CCDC102B: variants seen among roughly 807,000 people sequenced by gnomAD.
The protein encoded by CCDC102B is coiled-coil domain containing 102B.
CCDC102B carries 75 observed loss-of-function variants against 57.4 expected under a neutral mutation model. The observed-to-expected ratio is 1.31, with a 90% CI of 1.08 to 1.58. CCDC102B has a LOEUF of 1.58. Among genes scored for constraint, CCDC102B ranks in the 40% most tolerant of loss-of-function variants. CCDC102B has a pLI of 0.00. For synonymous variants in CCDC102B, 206 were observed against 201.9 expected, an observed-to-expected ratio of 1.02 and a Z score of -0.17; for missense variants, 636 against 582.6, an observed-to-expected ratio of 1.09 and a Z score of -0.94.
At chr18:68,849,606 A>G (rs957662742) in intron 4 of CCDC102B, among the ~76,000 whole-genome samples, 2 of 151,994 alleles carry the variant, frequency 1.3e-5, no homozygotes. Flanking sequence ...ATCGGATCGT[A>G]TTAGCCCATT....
intron 2 of CCDC102B, among the ~76,000 whole-genome samples, chr18:68,764,113 G>A (rs572298044): frequency 6.6e-6 from 1 of 152,088 alleles, no homozygotes; most frequent in African/African-American, 2.4e-5. Flanking sequence ...AGGATCTTAA[G>A]TACTCTTTGT....
Position 68,886,376 on chromosome 18 carries a change from GA to G in CCDC102B, c.1054-10834del, listed in dbSNP as rs923258126. Among the ~76,000 whole-genome samples, 19 of 150,806 alleles carry G rather than the reference GA, an allele frequency of 1.3e-4. No homozygotes were observed. In the East Asian group the frequency reaches 2.3e-3, roughly 18 times the overall value. On this transcript the variant is annotated intron_variant, in intron 5 of 7. Coordinates refer to ENST00000360242, the MANE Select transcript of CCDC102B (RefSeq NM_024781.3). The stretch of plus-strand genomic sequence containing the variant: ...TACAACCATTAAATTTTCAGTAAAT[GA>G]AAAAAAAATTTTCAGTAAATGCCAC...
At chr18:68,854,692 T>C (rs1265387379) in intron 4 of CCDC102B, among the ~76,000 whole-genome samples, 1 of 152,184 alleles carries the variant, frequency 6.6e-6, no homozygotes, top group Non-Finnish European at 1.5e-5. Flanking sequence ...TTTTTATGTA[T>C]TTTTTAAGTC....
intron 4 of CCDC102B, among the ~76,000 whole-genome samples, chr18:68,853,825 C>T (rs2038256624): frequency 6.6e-6 from 1 of 151,932 alleles, no homozygotes; most frequent in Non-Finnish European, 1.5e-5. Flanking sequence ...GCTATAAGCA[C>T]ACACACACTT....
At chr18:68,765,383 AAAG>A (rs1265094057) in intron 2 of CCDC102B, among the ~76,000 whole-genome samples, 1 of 143,482 alleles carries the variant, frequency 7.0e-6, no homozygotes, top group Admixed American at 6.8e-5. Context: ...GAAAGAAAAG[AAAG>A]AAAGAAAAGA....
chr18:68,918,421 G>A (rs908686416), intron 6 of CCDC102B, among the ~76,000 whole-genome samples: 2 of 152,132 alleles, frequency 1.3e-5, no homozygotes, highest in African/African-American at 2.4e-5. Flanking sequence ...CTCCAGGTGA[G>A]TGATGCATGT....
At chr18:68,897,813 G>T (rs2040297783) in intron 6 of CCDC102B, 1 of 352,576 alleles carries the variant, frequency 2.8e-6, no homozygotes. Context: ...GCATTTGCTG[G>T]TAGCTATGGT....
At chr18:69,014,958 TGAGA>T (rs748203787) in intron 7 of CCDC102B, among the ~76,000 whole-genome samples, 186 of 114,626 alleles carry the variant, frequency 1.6e-3, no homozygotes, top group South Asian at 5.2e-3. Context: ...TGTATGTGAA[TGAGA>T]GAGAGAGAGA....
chr18:68,846,721 G>T (rs1245303205), intron 4 of CCDC102B, among the ~76,000 whole-genome samples: 1 of 151,500 alleles, frequency 6.6e-6, no homozygotes, highest in African/African-American at 2.4e-5. Flanking sequence ...TATCCATATT[G>T]ATAGTTAAAT....
At chr18:68,946,985 C>A (rs1025139130) in intron 6 of CCDC102B, among the ~76,000 whole-genome samples, 1 of 151,924 alleles carries the variant, frequency 6.6e-6, no homozygotes, top group Admixed American at 6.6e-5. Context: ...ACACAGTATT[C>A]TGTGGGAAAT....
At chr18:68,788,928 T>C (rs1268209579) in intron 2 of CCDC102B, among the ~76,000 whole-genome samples, 1 of 152,244 alleles carries the variant, frequency 6.6e-6, no homozygotes, top group African/African-American at 2.4e-5. Flanking sequence ...CTACTCTGGA[T>C]GGTCTTTACA....
intron 2 of CCDC102B, among the ~76,000 whole-genome samples, chr18:68,767,888 TTGAA>T (rs2034519155): frequency 1.3e-5 from 2 of 152,160 alleles, no homozygotes; most frequent in South Asian, 2.1e-4. Flanking sequence ...CTTAGGTATA[TTGAA>T]TGAATGAAGA....
chr18:68,906,269 G>GT (rs1462246011), intron 6 of CCDC102B, among the ~76,000 whole-genome samples: 1 of 151,874 alleles, frequency 6.6e-6, no homozygotes, highest in Non-Finnish European at 1.5e-5. Context: ...CTTTTGAATA[G>GT]TGCTGCTGTA....
exon 1 of CCDC102B, chr18:68,715,311 G>A: frequency 8.6e-7 from 1 of 1,165,986 alleles, no homozygotes; most frequent in South Asian, 2.0e-5. Flanking sequence ...TGGTTCACTG[G>A]GGCGCGTTTC....
chr18:68,893,152 G>A (rs1320806812), intron 5 of CCDC102B, among the ~76,000 whole-genome samples: 1 of 152,134 alleles, frequency 6.6e-6, no homozygotes, highest in African/African-American at 2.4e-5. Flanking sequence ...TCTTCTTTAG[G>A]AAATAAATTT....
intron 6 of CCDC102B, among the ~76,000 whole-genome samples, chr18:68,989,563 G>C (rs775907596): frequency 5.9e-5 from 9 of 152,194 alleles, no homozygotes; most frequent in Non-Finnish European, 1.3e-4. Flanking sequence ...CCAGTGCTTA[G>C]GAAATCCCGT....
chr18:68,718,722 G>A (rs2032162230), intron 2 of CCDC102B, among the ~76,000 whole-genome samples: 1 of 152,132 alleles, frequency 6.6e-6, no homozygotes, highest in Non-Finnish European at 1.5e-5. Flanking sequence ...GGAGAGCTTG[G>A]TTTAATGCAG....
intron 6 of CCDC102B, among the ~76,000 whole-genome samples, chr18:68,933,809 C>T (rs1246518351): frequency 6.6e-6 from 1 of 151,728 alleles, no homozygotes; most frequent in African/African-American, 2.4e-5. Context: ...TTATGGTCCT[C>T]TTAATTTTGA....
intron 2 of CCDC102B, chr18:68,716,696 G>C (rs2032022021): frequency 6.6e-6 from 1 of 152,286 alleles, no homozygotes; most frequent in Non-Finnish European, 1.5e-5. Flanking sequence ...CACTTTGGGA[G>C]GCTGAGGCAG....
Sources: gnomAD v4.1 joint callset for allele counts (sites outside exome capture counted in the v4.1 genomes callset) on GRCh38, gnomAD v4.1.1 for gene constraint, MANE v1.5 for transcripts, NCBI Gene and HGNC (gene_info 2026-07-23, HGNC 2026-07-21) for gene names.